The following GTF2F2 variants were observed in gnomAD, a reference collection of about 807,000 sequenced individuals.
GTF2F2 encodes the protein general transcription factor IIF subunit 2.
Under a neutral mutation model 42.2 loss-of-function variants are expected in GTF2F2, and 23 were observed. The observed-to-expected ratio is 0.55, with a 90% CI of 0.39 to 0.77. The LOEUF (loss-of-function observed/expected upper bound fraction) is 0.77. Ranked by LOEUF, GTF2F2 falls within the 30% of genes least tolerant of loss-of-function variation. GTF2F2 has a pLI of 0.00. For missense variants in GTF2F2, 261 were observed against 287.2 expected, an observed-to-expected ratio of 0.91 and a Z score of 0.66; for synonymous variants, 105 against 100.8, an observed-to-expected ratio of 1.04 and a Z score of -0.25.
In GTF2F2 at chr13:45,165,906, C is replaced by G. The variant is rs552219488; in HGVS notation, c.304+14075C>G. ...TCGGCCTACTGCAACCTCTGTCTCC[C>G]AGGTTCAAGTGATTCTCCTGTCTCA... On this transcript the variant is annotated intron_variant, in intron 4 of 7. Coordinates refer to ENST00000340473, the MANE Select transcript of GTF2F2 (RefSeq NM_004128.3). Among the ~76,000 whole-genome samples, 79 of 145,066 alleles carry G rather than the reference C, an allele frequency of 5.4e-4. 1 individual carries two copies. The highest frequency in any genetic ancestry group is 3.0e-4 in the Non-Finnish European group (20 of 65,930).
At chr13:45,151,911 CTTTTTTTTTTTTT>C (rs773005628) in intron 4 of GTF2F2, 80 bp downstream of exon 4, 5 of 142,218 alleles carry the variant, frequency 3.5e-5, no homozygotes, top group Non-Finnish European at 6.4e-5. Context: ...CTCCTATTTG[CTTTTTTTTTTTTT>C]TTTTTTTTGC....
chr13:45,146,422 C>T (rs1461417483), intron 2 of GTF2F2, among the ~76,000 whole-genome samples: 1 of 152,042 alleles, frequency 6.6e-6, no homozygotes, highest in African/African-American at 2.4e-5. Context: ...TCACTTCAGC[C>T]CAGGAAGTCA....
At chr13:45,174,374 T>G (rs1028612136) in intron 4 of GTF2F2, among the ~76,000 whole-genome samples, 21 of 152,202 alleles carry the variant, frequency 1.4e-4, no homozygotes, top group Admixed American at 3.3e-4. Flanking sequence ...TGTATTAACA[T>G]GAAACAGCTG....
At chr13:45,198,376 CA>C (rs1317512003) in intron 4 of GTF2F2, among the ~76,000 whole-genome samples, 1 of 152,192 alleles carries the variant, frequency 6.6e-6, no homozygotes, top group Non-Finnish European at 1.5e-5. Context: ...GAAACCTTAC[CA>C]GGAGGTTATC....
intron 5 of GTF2F2, among the ~76,000 whole-genome samples, chr13:45,242,472 T>TAAA (rs1395889182): frequency 1.3e-5 from 2 of 152,082 alleles, no homozygotes; most frequent in Admixed American, 1.3e-4. Context: ...ACCTATCCTT[T>TAAA]AAAAAATAAC....
intron 5 of GTF2F2, among the ~76,000 whole-genome samples, chr13:45,242,312 C>T (rs571590826): frequency 7.0e-6 from 1 of 142,966 alleles, no homozygotes; most frequent in Non-Finnish European, 1.5e-5. Context: ...TGTGTGCTCT[C>T]ACTCACGGGC....
chr13:45,142,383 G>A (rs1018701186), intron 2 of GTF2F2, among the ~76,000 whole-genome samples: 1 of 152,142 alleles, frequency 6.6e-6, no homozygotes, highest in Non-Finnish European at 1.5e-5. Flanking sequence ...GGCCAGGCTG[G>A]TCTTGAACTC....
intron 4 of GTF2F2, among the ~76,000 whole-genome samples, chr13:45,182,250 A>G (rs1872200943): frequency 6.6e-6 from 1 of 152,052 alleles, no homozygotes; most frequent in Non-Finnish European, 1.5e-5. Context: ...TCCCGGGCTC[A>G]AGCAATTCTC....
intron 4 of GTF2F2, among the ~76,000 whole-genome samples, chr13:45,192,529 C>T (rs552492594): frequency 3.6e-4 from 55 of 152,076 alleles, no homozygotes; most frequent in Non-Finnish European, 7.4e-4. Flanking sequence ...CAGATTTAAT[C>T]GTTTAATTTT....
chr13:45,155,969 G>T (rs533143761), intron 4 of GTF2F2, among the ~76,000 whole-genome samples: 2 of 152,072 alleles, frequency 1.3e-5, no homozygotes, highest in East Asian at 3.9e-4. Context: ...TTCAAAGTTA[G>T]ATTTTCTTCT....
intron 2 of GTF2F2, among the ~76,000 whole-genome samples, chr13:45,140,392 G>T (rs1869863950): frequency 1.3e-5 from 2 of 152,086 alleles, no homozygotes; most frequent in Non-Finnish European, 2.9e-5. Flanking sequence ...TTGTATTCTG[G>T]CCTTTTATTG....
chr13:45,220,795 A>T (rs1874075841), intron 5 of GTF2F2: 1 of 152,032 alleles, frequency 6.6e-6, no homozygotes, highest in South Asian at 2.1e-4. Context: ...GGGGGTTCCT[A>T]GGTCTCCTTC....
intron 5 of GTF2F2, among the ~76,000 whole-genome samples, chr13:45,247,699 T>G (rs1286962807): frequency 6.6e-6 from 1 of 151,928 alleles, no homozygotes; most frequent in Non-Finnish European, 1.5e-5. Context: ...ACCTGTATCC[T>G]GTATTTTATT....
intron 4 of GTF2F2, among the ~76,000 whole-genome samples, chr13:45,156,576 G>A (rs1028824781): frequency 6.6e-6 from 1 of 152,186 alleles, no homozygotes; most frequent in Non-Finnish European, 1.5e-5. Flanking sequence ...TAGAACATGG[G>A]ATAATAGAGG....
At chr13:45,242,436 T>A (rs1875363801) in intron 5 of GTF2F2, among the ~76,000 whole-genome samples, 1 of 152,048 alleles carries the variant, frequency 6.6e-6, no homozygotes, top group Admixed American at 6.6e-5. Flanking sequence ...ATACACATGT[T>A]TAGAAAATAC....
intron 5 of GTF2F2, among the ~76,000 whole-genome samples, chr13:45,232,078 A>G (rs1874712521): frequency 6.6e-6 from 1 of 152,230 alleles, no homozygotes; most frequent in South Asian, 2.1e-4. Flanking sequence ...CACTTATCAC[A>G]TAGTCATAGG....
intron 5 of GTF2F2, among the ~76,000 whole-genome samples, chr13:45,240,942 C>A (rs966022169): frequency 4.0e-5 from 6 of 149,234 alleles, no homozygotes; most frequent in African/African-American, 1.5e-4. Context: ...GGGTTTGAGA[C>A]CAGCTGGGCA....
In GTF2F2 at chr13:45,160,782, A is replaced by G. The variant is rs1437345994; in HGVS notation, c.304+8951A>G. 2.7e-5 allele frequency among the ~76,000 whole-genome samples: 4 copies of G among 149,204 alleles called. No individual in the cohort carries two copies. In the East Asian group the frequency reaches 7.8e-4, roughly 29 times the overall value. On this transcript the variant is annotated intron_variant, in intron 4 of 7. Transcript: ENST00000340473. ...CTGTCAGCTGTTTTTTTTTTTTTTA[A>G]AGGATGGGCTTTTTTCATTGATTTT...
chr13:45,236,913 A>G (rs1451909973), intron 5 of GTF2F2, among the ~76,000 whole-genome samples: 1 of 152,176 alleles, frequency 6.6e-6, no homozygotes, highest in East Asian at 1.9e-4. Flanking sequence ...GAATATTGAG[A>G]AAAATAATTT....
Sources: gnomAD v4.1 joint callset for allele counts (sites outside exome capture counted in the v4.1 genomes callset) on GRCh38, gnomAD v4.1.1 for gene constraint, MANE v1.5 for transcripts, NCBI Gene and HGNC (gene_info 2026-07-23, HGNC 2026-07-21) for gene names.